JMJD1C: variants seen among roughly 807,000 people sequenced by gnomAD.
JMJD1C encodes jumonji domain-containing protein 1C.
In JMJD1C, 31 loss-of-function variants were observed where a neutral mutation model predicts 245.3. The observed-to-expected ratio is 0.13, with a 90% CI of 0.09 to 0.17. JMJD1C has a LOEUF of 0.17. Among genes scored for constraint, JMJD1C ranks in the 10% least tolerant of loss-of-function variants. JMJD1C has a pLI of 1.00. For missense variants in JMJD1C, 2,691 were observed against 3,000.2 expected (o/e 0.90, Z 2.41); for synonymous variants, 1,057 against 1,017.4 (o/e 1.04, Z -0.74).
chr10:63,214,915 T>C lies in JMJD1C; in HGVS notation c.1252A>G (p.Asn418Asp), dbSNP rs756231569. The change falls in exon 8 of 26, where the codon AAT (asparagine) becomes GAT (aspartate). Residue 418 changes from asparagine to aspartate, a missense_variant. Around this residue, in one of 9 missense-constraint regions of JMJD1C, gnomAD observed 1,562 missense variants for 1,490.7 expected, o/e 1.05. Coordinates refer to ENST00000399262, the MANE Select transcript of JMJD1C (RefSeq NM_032776.3). ...KINGEEGKPH[N>D]NEKAGEETLK... ...GTCTCTTCTCCTGCCTTCTCATTAT[T>C]ATGGGGTTTTCCTTCTTCTCCATTT... 6.2e-7 allele frequency: 1 copy of C among 1,611,302 alleles called. No individual in the cohort carries two copies. The highest frequency in any genetic ancestry group is 8.5e-7 in the Non-Finnish European group (1 of 1,178,312).
intron 3 of JMJD1C, chr10:63,222,775 A>C: frequency 6.7e-7 from 1 of 1,481,840 alleles, no homozygotes; most frequent in Non-Finnish European, 9.4e-7. Flanking sequence ...CTAATTTGGA[A>C]GTTTTGAAGT....
intron 2 of JMJD1C, among the ~76,000 whole-genome samples, chr10:63,373,884 C>T (rs1372762837): frequency 1.3e-5 from 2 of 152,088 alleles, no homozygotes; most frequent in Admixed American, 6.6e-5. Flanking sequence ...GTCATATCAA[C>T]TGTATATAAA....
At position 63,268,158 on chromosome 10, in the gene JMJD1C, T is replaced by A. The variant is rs114708525; in HGVS notation, c.334-3394A>T. Among the ~76,000 whole-genome samples the A allele has an allele frequency of 2.5e-3, 347 of 140,528 alleles. 1 individual carries two copies. Among genetic ancestry groups the A allele is most frequent in the African/African-American group, 8.6e-3 (323 of 37,526 alleles). The allele number at this position is 140,528 out of a possible 152,430, so 92.2% of individuals were successfully genotyped here. A position where few individuals can be genotyped will look rare whatever the true frequency, so the allele number is the denominator to read the frequency against. ...CTTATTAACTGCAAAAATACTAATA[T>A]AAATCTCACCAAAGGTAAATACTAA... On this transcript the variant is annotated intron_variant, in intron 2 of 25. Transcript: ENST00000399262.
intron 2 of JMJD1C, among the ~76,000 whole-genome samples, chr10:63,332,630 G>C (rs955437185): frequency 1.3e-5 from 2 of 152,086 alleles, no homozygotes; most frequent in African/African-American, 4.8e-5. Flanking sequence ...ATTACAAAAC[G>C]GAGATATCTT....
intron 2 of JMJD1C, among the ~76,000 whole-genome samples, chr10:63,278,707 C>T (rs1055347622): frequency 4.0e-5 from 6 of 151,436 alleles, no homozygotes; most frequent in Admixed American, 2.0e-4. Flanking sequence ...GGCATGGTGA[C>T]ACATGCCTGT....
At position 63,215,593 on chromosome 10, in the gene JMJD1C, C is replaced by T. The variant is rs2133233457; in HGVS notation, c.782G>A (p.Arg261Gln). 2 of 1,610,650 alleles carry T rather than the reference C, an allele frequency of 1.2e-6. No individual in the cohort carries two copies. The highest frequency in any genetic ancestry group is 1.7e-6 in the Non-Finnish European group (2 of 1,177,062). ...LKGENIGITS[R>Q]RRSRANQNVN... is the part of the protein sequence containing the mutation. ...GTTTTGATTGGCACGAGACCTGCGT[C>T]GTGATGTAATGCCAATATTTTCACC... The change falls in exon 6 of 26, where the codon CGA (arginine) becomes CAA (glutamine). Residue 261 changes from arginine to glutamine, a missense_variant. This residue lies in a region of JMJD1C where 172 missense variants were observed against 240.8 expected (regional missense o/e 0.71). Transcript: ENST00000399262.
At chr10:63,521,453 G>T in intron 1 of JMJD1C, 2 of 754,064 alleles carry the variant, frequency 2.7e-6, no homozygotes, top group South Asian at 9.5e-5. Flanking sequence ...GGAGCGCGAG[G>T]AGCCGGCGAA....
chr10:63,327,597 A>G (rs1941664521), intron 2 of JMJD1C, among the ~76,000 whole-genome samples: 1 of 152,128 alleles, frequency 6.6e-6, no homozygotes, highest in Non-Finnish European at 1.5e-5. Flanking sequence ...CAAGTTTCAG[A>G]TTTTCATTCT....
intron 1 of JMJD1C, among the ~76,000 whole-genome samples, chr10:63,397,646 A>C (rs973606288): frequency 2.0e-5 from 3 of 150,964 alleles, no homozygotes; most frequent in Non-Finnish European, 4.4e-5. Flanking sequence ...CAATCCTCCC[A>C]CCTCAGCTGT....
At chr10:63,437,583 G>A (rs371392878) in intron 1 of JMJD1C, among the ~76,000 whole-genome samples, 8 of 152,122 alleles carry the variant, frequency 5.3e-5, no homozygotes, top group African/African-American at 1.7e-4. Flanking sequence ...TACAAATATG[G>A]TATATTGTCT....
intron 1 of JMJD1C, among the ~76,000 whole-genome samples, chr10:63,463,416 C>G (rs1355879585): frequency 6.6e-6 from 1 of 152,190 alleles, no homozygotes; most frequent in Non-Finnish European, 1.5e-5. Context: ...ATCTTCCCAT[C>G]TCAGTCTCCC....
intron 1 of JMJD1C, among the ~76,000 whole-genome samples, chr10:63,516,153 G>A (rs369397564): frequency 3.4e-5 from 5 of 146,110 alleles, no homozygotes; most frequent in Admixed American, 1.4e-4. Context: ...TAATTCCATC[G>A]TGTTCCAAAA....
intron 1 of JMJD1C, among the ~76,000 whole-genome samples, chr10:63,435,290 G>A (rs1474462161): frequency 6.6e-6 from 1 of 152,076 alleles, no homozygotes; most frequent in Non-Finnish European, 1.5e-5. Flanking sequence ...TCTCCTGCTT[G>A]AACAATTTCT....
In JMJD1C at chr10:63,355,551, C is replaced by T. The variant is rs1161620114; in HGVS notation, c.333+24767G>A. 2.0e-5 allele frequency among the ~76,000 whole-genome samples: 3 copies of T among 151,906 alleles called. No individual in the cohort carries two copies. The South Asian group carries it at 6.2e-4, about 32-fold the overall frequency. Reference sequence around the variant, plus strand: ...CCTAAATTTATTTACATGAGACAGACCAGAAAGCTACTCTTGGAAGAGAAA... The same window carrying T: ...CCTAAATTTATTTACATGAGACAGATCAGAAAGCTACTCTTGGAAGAGAAA... On this transcript the variant is annotated intron_variant, in intron 2 of 25. Coordinates refer to ENST00000399262, the MANE Select transcript of JMJD1C (RefSeq NM_032776.3).
chr10:63,294,619 T>C (rs1021589923), intron 2 of JMJD1C, among the ~76,000 whole-genome samples: 1 of 152,204 alleles, frequency 6.6e-6, no homozygotes. Flanking sequence ...CATAGCCTTG[T>C]CTATGAATTA....
At chr10:63,212,851 A>C (rs995031013) in intron 8 of JMJD1C, among the ~76,000 whole-genome samples, 1 of 150,986 alleles carries the variant, frequency 6.6e-6, no homozygotes, top group African/African-American at 2.4e-5. Context: ...TATTATAATT[A>C]TTGCATAATT....
At chr10:63,209,321 AT>A in intron 8 of JMJD1C, 86 bp from the exon 9 acceptor site, 1 of 1,110,158 alleles carries the variant, frequency 9.0e-7, no homozygotes, top group Admixed American at 3.1e-5. Context: ...ACTGGGTATG[AT>A]CTTGGTGGTT....
intron 1 of JMJD1C, among the ~76,000 whole-genome samples, chr10:63,491,477 C>T (rs1381424576): frequency 6.6e-6 from 1 of 152,108 alleles, no homozygotes; most frequent in South Asian, 2.1e-4. Flanking sequence ...TGCATAATGA[C>T]TCGCATAAGG....
intron 1 of JMJD1C, among the ~76,000 whole-genome samples, chr10:63,504,836 C>G (rs539049235): frequency 1.1e-4 from 16 of 152,134 alleles, no homozygotes; most frequent in Admixed American, 2.6e-4. Context: ...GGCAACAAAA[C>G]AAGACCCTGT....
Sources: allele counts gnomAD v4.1 joint callset (sites outside exome capture counted in the v4.1 genomes callset), GRCh38; gene constraint gnomAD v4.1.1; regional missense constraint gnomAD v4.1.1; transcripts MANE v1.5; gene names NCBI Gene and HGNC (gene_info 2026-07-23, HGNC 2026-07-21).